ATG4C: variants seen among roughly 807,000 people sequenced by gnomAD.
The protein encoded by ATG4C is cysteine protease ATG4C.
Under a neutral mutation model 57.6 loss-of-function variants are expected in ATG4C, and 56 were observed. The ratio of observed to expected loss-of-function variants is 0.97; its 90% confidence interval spans 0.78 to 1.21. The LOEUF (loss-of-function observed/expected upper bound fraction) is 1.21, where lower values mean the gene tolerates loss of function less well. Ranked by LOEUF, ATG4C falls within the 50% of genes most tolerant of loss-of-function variation. The pLI is 0.00. For synonymous variants in ATG4C, 157 were observed against 174.1 expected, an observed-to-expected ratio of 0.90 and a Z score of 0.78; for missense variants, 595 against 529.8, an observed-to-expected ratio of 1.12 and a Z score of -1.21.
intron 1 of ATG4C, among the ~76,000 whole-genome samples, chr1:62,796,538 GA>G (rs1280206452): frequency 8.6e-5 from 13 of 151,638 alleles, no homozygotes; most frequent in African/African-American, 1.9e-4. Flanking sequence ...TTAAAAAGGA[GA>G]AAAAAAATGT....
intron 1 of ATG4C, among the ~76,000 whole-genome samples, chr1:62,792,518 G>A (rs1664311416): frequency 6.6e-6 from 1 of 152,190 alleles, no homozygotes; most frequent in Admixed American, 6.5e-5. Context: ...TGAAAATAAT[G>A]TATAGACAGA....
At chr1:62,844,224 G>A (rs973187078) in intron 10 of ATG4C, among the ~76,000 whole-genome samples, 3 of 152,150 alleles carry the variant, frequency 2.0e-5, no homozygotes, top group African/African-American at 4.8e-5. Flanking sequence ...CTCCCACACA[G>A]TCTTGTGTGC....
chr1:62,793,730 T>G (rs940946022), intron 1 of ATG4C, among the ~76,000 whole-genome samples: 2 of 151,986 alleles, frequency 1.3e-5, no homozygotes, highest in African/African-American at 4.8e-5. Context: ...ATTCTTAACA[T>G]CCTTCATTTC....
chr1:62,828,937 T>C (rs1047883266), intron 6 of ATG4C, 103 bp from the exon 7 acceptor site: 5 of 994,884 alleles, frequency 5.0e-6, no homozygotes, highest in East Asian at 5.4e-5. Context: ...AGAGATGAGA[T>C]AGCTGGCTGT....
At chr1:62,786,038 T>C (rs1664068716) in intron 1 of ATG4C, among the ~76,000 whole-genome samples, 3 of 152,218 alleles carry the variant, frequency 2.0e-5, no homozygotes, top group Admixed American at 2.0e-4. Flanking sequence ...TGTCCTCAGC[T>C]CTGCATAGAT....
At chr1:62,845,520 G>A (rs145496103) in intron 10 of ATG4C, among the ~76,000 whole-genome samples, 1,614 of 151,924 alleles carry the variant, frequency 0.011, 48 homozygotes, top group African/African-American at 0.036. Context: ...CTTCTAGGCC[G>A]CTATTTTTAC....
intron 2 of ATG4C, 73 bp downstream of exon 2, chr1:62,803,935 G>A (rs747330035): frequency 1.3e-4 from 111 of 862,060 alleles, no homozygotes; most frequent in Admixed American, 5.3e-5. Flanking sequence ...CCCCTCTTAA[G>A]TCACTGACAA....
intron 1 of ATG4C, among the ~76,000 whole-genome samples, chr1:62,792,623 A>G (rs1357318884): frequency 1.3e-5 from 2 of 152,240 alleles, no homozygotes; most frequent in African/African-American, 4.8e-5. Flanking sequence ...ACAGTTATGG[A>G]TGCTCTAGAA....
intron 9 of ATG4C, chr1:62,835,285 A>G: frequency 3.9e-6 from 1 of 258,312 alleles, no homozygotes; most frequent in South Asian, 4.4e-5. Context: ...GAGTACAGTA[A>G]TTAAATCTTA....
At chr1:62,843,287 T>A (rs1303487940) in intron 10 of ATG4C, among the ~76,000 whole-genome samples, 1 of 152,202 alleles carries the variant, frequency 6.6e-6, no homozygotes, top group African/African-American at 2.4e-5. Context: ...AGAGAAATTA[T>A]GTTGAAATGT....
At chr1:62,823,298 C>G (rs753304690) in intron 6 of ATG4C, among the ~76,000 whole-genome samples, 31 of 152,202 alleles carry the variant, frequency 2.0e-4, no homozygotes, top group Non-Finnish European at 3.7e-4. Flanking sequence ...TCGGTCCCAC[C>G]CCTTTTTCTT....
At position 62,816,450 on chromosome 1, in the gene ATG4C, T is replaced by G. The variant is rs149917534; in HGVS notation, c.161-125T>G. On this transcript the variant is annotated intron_variant, in intron 3 of 10. Transcript: ENST00000317868. ...ATTTTCATATCTTTATTTTAAAAGA[T>G]AAAATTAGAAAAAAAGGATTGGAAA... 4.2e-4 allele frequency: 281 copies of G among 668,542 alleles called. 1 individual carries two copies. The East Asian group carries it at 7.9e-3, about 19-fold the overall frequency. The allele number at this position is 668,542 out of a possible 1,614,324, so 41.4% of individuals were successfully genotyped here.
At chr1:62,818,959 G>A (rs772563167) in intron 4 of ATG4C, 46 bp from the exon 5 acceptor site, 58 of 1,360,416 alleles carry the variant, frequency 4.3e-5, no homozygotes, top group Non-Finnish European at 5.6e-5. Context: ...AATTGTTAAA[G>A]TATCTATTTA....
At chr1:62,794,934 G>A (rs959103086) in intron 1 of ATG4C, among the ~76,000 whole-genome samples, 2 of 152,210 alleles carry the variant, frequency 1.3e-5, no homozygotes, top group African/African-American at 4.8e-5. Context: ...TACTAAAAAT[G>A]CAAGCAGGTA....
chr1:62,833,559 G>C (rs946589843), intron 7 of ATG4C, among the ~76,000 whole-genome samples: 3 of 152,094 alleles, frequency 2.0e-5, no homozygotes, highest in African/African-American at 7.2e-5. Context: ...AAAAATTTGA[G>C]TGAATGCCAT....
intron 1 of ATG4C, among the ~76,000 whole-genome samples, chr1:62,799,728 G>A (rs534922325): frequency 6.6e-5 from 10 of 152,012 alleles, no homozygotes; most frequent in African/African-American, 2.4e-4. Flanking sequence ...GAAAAATGGG[G>A]TATCCATTCC....
At chr1:62,786,091 G>C (rs75600117) in intron 1 of ATG4C, among the ~76,000 whole-genome samples, 1 of 152,206 alleles carries the variant, frequency 6.6e-6, no homozygotes, top group Admixed American at 6.5e-5. Context: ...AAGCTATTGA[G>C]TATTATTTAC....
chr1:62,847,018 A>C (rs1393212894), intron 10 of ATG4C, among the ~76,000 whole-genome samples: 1 of 152,182 alleles, frequency 6.6e-6, no homozygotes, highest in Non-Finnish European at 1.5e-5. Context: ...CTCTACTAAA[A>C]ATACAAAAAT....
At chr1:62,787,174 T>C (rs1270550289) in intron 1 of ATG4C, among the ~76,000 whole-genome samples, 3 of 152,220 alleles carry the variant, frequency 2.0e-5, no homozygotes, top group East Asian at 1.9e-4. Flanking sequence ...GGTTAATTTC[T>C]TAGTTATTTT....
Sources: gnomAD v4.1 joint callset for allele counts (sites outside exome capture counted in the v4.1 genomes callset) on GRCh38, gnomAD v4.1.1 for gene constraint, MANE v1.5 for transcripts, NCBI Gene and HGNC (gene_info 2026-07-23, HGNC 2026-07-21) for gene names.